Variants in NRG2 observed in about 807,000 individuals in gnomAD.
NRG2 encodes the protein neuregulin 2.
A neutral mutation model predicts 73.9 loss-of-function variants in NRG2; 27 were observed. That is an observed-to-expected ratio of 0.37 (90% CI 0.27 to 0.50). NRG2 has a LOEUF of 0.50. Ranked by LOEUF, NRG2 falls within the 20% of genes least tolerant of loss-of-function variation. The probability of loss-of-function intolerance (pLI) is 0.96; values close to 1 mark genes in which losing one functional copy is unlikely to be tolerated. For missense variants in NRG2, 1,126 were observed against 1,210.1 expected, an observed-to-expected ratio of 0.93 and a Z score of 1.03; for synonymous variants, 532 against 541.0, an observed-to-expected ratio of 0.98 and a Z score of 0.23.
rs10593981 is a variant in NRG2, at chr5:139,892,981, CAA to C, written c.701-5472_701-5471del. Among the ~76,000 whole-genome samples, 688 of 152,244 alleles carry C rather than the reference CAA, an allele frequency of 4.5e-3. 7 individuals carry two copies. Among genetic ancestry groups the C allele is most frequent in the African/African-American group, 0.016 (664 of 41,536 alleles). ...ATATGGAGTAACCACCCCTACTCCG[CAA>C]AGAGTTTAGCTTGTCCCCTTCTGTT... On this transcript the variant is annotated intron_variant, in intron 1 of 9. Transcript: ENST00000361474.
chr5:139,931,394 G>T (rs1382130271), intron 1 of NRG2, among the ~76,000 whole-genome samples: 1 of 152,130 alleles, frequency 6.6e-6, no homozygotes, highest in Admixed American at 6.5e-5. Flanking sequence ...CAATCATCAG[G>T]GAAGTCAACA....
At chr5:139,881,009 G>T in intron 2 of NRG2, 35 bp from the exon 3 acceptor site, 1 of 1,582,320 alleles carries the variant, frequency 6.3e-7, no homozygotes, top group African/African-American at 1.3e-5. Flanking sequence ...GGAGAGGCGT[G>T]AGCCAGGGCC....
Position 139,904,159 on chromosome 5 carries a change from C to A in NRG2, c.701-16648G>T. 2.7e-6 allele frequency: 2 copies of A among 728,534 alleles called. No homozygotes were observed. Among genetic ancestry groups the A allele is most frequent in the Non-Finnish European group, 2.0e-6 (1 of 512,594 alleles). 45.1% of individuals were successfully genotyped at this position (728,534 alleles called of 1,614,324 possible). ...GCTCTCCCGGCCGCGACGACCCGCT[C>A]GCACGCAGGCACGCGCGCCCTCGGT... On this transcript the variant is annotated intron_variant, in intron 1 of 9. Coordinates refer to ENST00000361474, the MANE Select transcript of NRG2 (RefSeq NM_004883.3). The surrounding 1 kb of genome is among the most constrained non-coding windows in gnomAD (Gnocchi z 6.0).
rs368049992 is a variant in NRG2, at chr5:139,941,826, C to T, written c.701-54315G>A. Reference sequence around the variant, plus strand: ...ATGTCCATTGCAAACTTGTGTGGAACGGAGAGCTTGCTTCTTGTTTCAACT... The same window carrying T: ...ATGTCCATTGCAAACTTGTGTGGAATGGAGAGCTTGCTTCTTGTTTCAACT... On this transcript the variant is annotated intron_variant, in intron 1 of 9. Transcript: ENST00000361474. Among the ~76,000 whole-genome samples the T allele has an allele frequency of 3.9e-5, 6 of 152,196 alleles. No homozygotes were observed. The East Asian group carries it at 5.8e-4, about 15-fold the overall frequency.
chr5:139,951,174 C>T (rs931547723), intron 1 of NRG2, among the ~76,000 whole-genome samples: 1 of 152,232 alleles, frequency 6.6e-6, no homozygotes, highest in African/African-American at 2.4e-5. Flanking sequence ...AGAAGGTACA[C>T]ATTTGCTGGA....
intron 1 of NRG2, among the ~76,000 whole-genome samples, chr5:139,980,778 C>A (rs1420524761): frequency 6.6e-6 from 1 of 152,200 alleles, no homozygotes; most frequent in African/African-American, 2.4e-5. Flanking sequence ...TTCCCTGTCT[C>A]TTCTTCCTAC....
rs929154719 is a variant in NRG2 at position 139,894,166 on chromosome 5, T to C, written c.701-6655A>G. ...GCAAGACAGACGCTCAGGACATGGC[T>C]GGGCAACCCAGCCAGGGAGGACCTG... On this transcript the variant is annotated intron_variant, in intron 1 of 9. Coordinates refer to ENST00000361474, the MANE Select transcript of NRG2 (RefSeq NM_004883.3). This position sits in a 1 kb window ranked among gnomAD's most constrained non-coding sequence, Gnocchi z 5.0. Among the ~76,000 whole-genome samples the C allele has an allele frequency of 6.6e-6, 1 of 152,176 alleles. No individual in the cohort carries two copies. The highest frequency in any genetic ancestry group is 1.5e-5 in the Non-Finnish European group (1 of 68,018).
intron 1 of NRG2, among the ~76,000 whole-genome samples, chr5:139,914,740 T>C (rs1302685295): frequency 6.6e-6 from 1 of 152,190 alleles, no homozygotes; most frequent in Non-Finnish European, 1.5e-5. Flanking sequence ...TTCCTGCCCG[T>C]TTCTTAGTTC....
At position 140,043,003 on chromosome 5, in the gene NRG2, T is replaced by C; in HGVS notation, c.67A>G (p.Ser23Gly). 2 of 1,567,712 alleles carry C rather than the reference T, an allele frequency of 1.3e-6. No homozygotes were observed. The highest frequency in any genetic ancestry group is 1.7e-6 in the Non-Finnish European group (2 of 1,161,780). The change falls in exon 1 of 10, where the codon AGC becomes GGC. Residue 23 changes from serine (S) to glycine (G), a missense_variant. By Grantham distance (56) the Ser-to-Gly change is moderately conservative. Transcript: ENST00000361474. The surrounding 1 kb of genome is among the most constrained non-coding windows in gnomAD (Gnocchi z 6.7). ...PLEKGRCSSY[S>G]DSSSSSSERS... ...TCGCTGCTGCTGCTGCTGCTGTCGC[T>C]GTAGCTGCTGCACCGACCCTTCTCC...
chr5:140,026,617 A>C (rs917256686), intron 1 of NRG2, among the ~76,000 whole-genome samples: 1 of 152,198 alleles, frequency 6.6e-6, no homozygotes, highest in Non-Finnish European at 1.5e-5. Context: ...TTCTCCAGAA[A>C]AAAAAGAAAA....
At chr5:140,010,971 T>C (rs932143690) in intron 1 of NRG2, among the ~76,000 whole-genome samples, 51 of 152,334 alleles carry the variant, frequency 3.3e-4, no homozygotes, top group Non-Finnish European at 4.4e-5. Context: ...CCACTGGCAG[T>C]TTTTAGATTC....
chr5:140,040,254 T>G (rs576523965), intron 1 of NRG2, among the ~76,000 whole-genome samples: 1 of 152,286 alleles, frequency 6.6e-6, no homozygotes, highest in South Asian at 2.1e-4. Flanking sequence ...GCCATACACA[T>G]TCCTGATCCT....
intron 1 of NRG2, among the ~76,000 whole-genome samples, chr5:139,982,572 G>A (rs549545815): frequency 6.6e-6 from 1 of 152,188 alleles, no homozygotes; most frequent in African/African-American, 2.4e-5. Context: ...AATTAGAAGG[G>A]AAGAGCTATA....
At chr5:139,984,950 T>C (rs1757060518) in intron 1 of NRG2, among the ~76,000 whole-genome samples, 1 of 152,230 alleles carries the variant, frequency 6.6e-6, no homozygotes, top group Admixed American at 6.5e-5. Context: ...CTCATGCATA[T>C]GTTCTTCAAC....
At chr5:139,965,498 C>A (rs1241211736) in intron 1 of NRG2, among the ~76,000 whole-genome samples, 2 of 152,266 alleles carry the variant, frequency 1.3e-5, no homozygotes, top group African/African-American at 2.4e-5. Flanking sequence ...GCAGCCCCAG[C>A]TGCCAGCAGG....
intron 5 of NRG2, among the ~76,000 whole-genome samples, chr5:139,864,640 T>G (rs1762364538): frequency 6.6e-6 from 1 of 151,860 alleles, no homozygotes; most frequent in Non-Finnish European, 1.5e-5. Context: ...GGTCCTGCTC[T>G]CCCTTAATTC....
intron 1 of NRG2, among the ~76,000 whole-genome samples, chr5:139,994,166 C>T (rs1757857139): frequency 6.6e-6 from 1 of 152,124 alleles, no homozygotes; most frequent in Non-Finnish European, 1.5e-5. Context: ...CATTTCTATC[C>T]TGGGTGTCAT....
intron 1 of NRG2, among the ~76,000 whole-genome samples, chr5:139,985,140 G>A (rs1379184480): frequency 6.6e-6 from 1 of 151,998 alleles, no homozygotes; most frequent in African/African-American, 2.4e-5. Flanking sequence ...AGGAGTTTGA[G>A]ACCAGCCTGG....
In NRG2 at chr5:139,971,556, C is replaced by T. The variant is rs571679176; in HGVS notation, c.700+70814G>A. Reference sequence around the variant, plus strand: ...TGGCCCAAACCCACAAAAGGAAAAACCAGAAGACAGCATGCTTGCCTTCCA... The same window carrying T: ...TGGCCCAAACCCACAAAAGGAAAAATCAGAAGACAGCATGCTTGCCTTCCA... On this transcript the variant is annotated intron_variant, in intron 1 of 9. Coordinates refer to ENST00000361474, the MANE Select transcript of NRG2 (RefSeq NM_004883.3). Among the ~76,000 whole-genome samples, 18 of 152,154 alleles carry T rather than the reference C, an allele frequency of 1.2e-4. No homozygotes were observed. The South Asian group carries it at 3.3e-3, about 28-fold the overall frequency.
Sources: allele counts gnomAD v4.1 joint callset (sites outside exome capture counted in the v4.1 genomes callset), GRCh38; gene constraint gnomAD v4.1.1; non-coding constraint Gnocchi (gnomAD v3.1); transcripts MANE v1.5; gene names NCBI Gene and HGNC (gene_info 2026-07-23, HGNC 2026-07-21).